Variants in SLC35F3 observed in about 807,000 individuals in gnomAD.
SLC35F3 encodes the protein putative thiamine transporter SLC35F3.
Under a neutral mutation model 49.9 loss-of-function variants are expected in SLC35F3, and 25 were observed. That is an observed-to-expected ratio of 0.50 (90% CI 0.37 to 0.70). SLC35F3 has a LOEUF of 0.70. Among genes scored for constraint, SLC35F3 ranks in the 30% least tolerant of loss-of-function variants. SLC35F3 has a pLI of 0.00. For synonymous variants in SLC35F3, 275 were observed against 265.4 expected, an observed-to-expected ratio of 1.04 and a Z score of -0.35; for missense variants, 525 against 639.8, an observed-to-expected ratio of 0.82 and a Z score of 1.94.
At position 233,905,575 on chromosome 1, in the gene SLC35F3, A is replaced by G. The variant is rs781276412; in HGVS notation, c.100A>G (p.Ile34Val). The G allele has an allele frequency of 1.9e-6, 3 of 1,614,100 alleles. No individual in the cohort carries two copies. The highest frequency in any genetic ancestry group is 1.7e-6 in the Non-Finnish European group (2 of 1,180,022). Residue 34 changes from isoleucine to valine, a missense_variant, in exon 2 of 8, where the codon ATC (isoleucine) becomes GTC (valine). Physicochemically the swap from Ile to Val is conservative, Grantham distance 29. Around this residue, in one of 4 missense-constraint regions of SLC35F3, gnomAD observed 228 missense variants for 218.9 expected, o/e 1.04. Transcript: ENST00000366618. ...PDVSPRRLSD[I>V]SPQLRQLKYL... ...CGTCAGCCCCCGGAGACTGTCCGAC[A>G]TCAGCCCCCAGCTCCGGCAGCTCAA...
intron 3 of SLC35F3, among the ~76,000 whole-genome samples, chr1:234,271,791 A>G (rs888564389): frequency 1.3e-5 from 2 of 152,178 alleles, no homozygotes; most frequent in African/African-American, 2.4e-5. Flanking sequence ...TTGACCTTCA[A>G]TTAATGAGTG....
chr1:234,270,755 A>G (rs1419549825), intron 3 of SLC35F3, among the ~76,000 whole-genome samples: 4 of 152,110 alleles, frequency 2.6e-5, no homozygotes, highest in African/African-American at 9.7e-5. Context: ...TTCAGGCATC[A>G]CTCTTGAAGG....
At chr1:234,109,073 C>T (rs1040092788) in intron 2 of SLC35F3, among the ~76,000 whole-genome samples, 2 of 151,990 alleles carry the variant, frequency 1.3e-5, no homozygotes, top group African/African-American at 4.8e-5. Flanking sequence ...TGATAGGCAG[C>T]CCCACACACT....
intron 3 of SLC35F3, among the ~76,000 whole-genome samples, chr1:234,270,892 G>A (rs756838551): frequency 5.3e-5 from 8 of 152,194 alleles, no homozygotes; most frequent in Non-Finnish European, 1.0e-4. Context: ...CTCAGAAGTT[G>A]TCCTCATCAT....
chr1:233,942,260 A>G (rs1229733584), intron 2 of SLC35F3, among the ~76,000 whole-genome samples: 2 of 151,752 alleles, frequency 1.3e-5, no homozygotes, highest in Non-Finnish European at 2.9e-5. Context: ...CGTGCCCGGC[A>G]TACAGCCTCT....
intron 3 of SLC35F3, among the ~76,000 whole-genome samples, chr1:234,263,424 A>AT (rs1409744602): frequency 6.6e-6 from 1 of 152,140 alleles, no homozygotes; most frequent in Non-Finnish European, 1.5e-5. Flanking sequence ...CCCTTGTGAA[A>AT]TCTTAGGTAA....
rs558401786 is a variant in SLC35F3 at position 234,249,722 on chromosome 1, C to A, written c.608+17981C>A. Among the ~76,000 whole-genome samples the A allele has an allele frequency of 1.1e-3, 164 of 152,332 alleles. 1 individual carries two copies. The highest frequency in any genetic ancestry group is 3.8e-3 in the African/African-American group (159 of 41,570). On this transcript the variant is annotated intron_variant, in intron 3 of 7. Coordinates refer to ENST00000366618, the MANE Select transcript of SLC35F3 (RefSeq NM_173508.4). ...AGTTTGAATTCAAATGGTCTCTCAC[C>A]ATTATCGTTCATGGGTGAACTTGAC...
chr1:234,291,767 T>C (rs1424106669), intron 3 of SLC35F3, among the ~76,000 whole-genome samples: 1 of 152,176 alleles, frequency 6.6e-6, no homozygotes, highest in Non-Finnish European at 1.5e-5. Flanking sequence ...CACCATAATT[T>C]GTATTTACGC....
At chr1:234,267,412 T>A (rs1243347561) in intron 3 of SLC35F3, among the ~76,000 whole-genome samples, 1 of 141,682 alleles carries the variant, frequency 7.1e-6, no homozygotes, top group Non-Finnish European at 1.5e-5. Flanking sequence ...CCAGACGGGG[T>A]CGTGGCCGGG....
intron 2 of SLC35F3, among the ~76,000 whole-genome samples, chr1:234,201,851 T>G (rs1221375096): frequency 6.6e-6 from 1 of 150,458 alleles, no homozygotes; most frequent in Admixed American, 6.7e-5. Context: ...AGGTGGAGCT[T>G]GTAGTGAGCC....
chr1:234,117,046 A>G (rs1665497808), intron 2 of SLC35F3, among the ~76,000 whole-genome samples: 1 of 152,188 alleles, frequency 6.6e-6, no homozygotes. Context: ...TTGCCTTCTT[A>G]TTACCTGTCT....
At chr1:233,920,013 C>T (rs1287192485) in intron 2 of SLC35F3, among the ~76,000 whole-genome samples, 1 of 152,132 alleles carries the variant, frequency 6.6e-6, no homozygotes, top group East Asian at 1.9e-4. Context: ...GGTGAGTCAT[C>T]TCTAGGAGGG....
intron 2 of SLC35F3, among the ~76,000 whole-genome samples, chr1:234,225,868 A>G (rs1360432846): frequency 6.6e-6 from 1 of 152,268 alleles, no homozygotes; most frequent in East Asian, 1.9e-4. Flanking sequence ...TGAACTGCTG[A>G]CACACGCTAC....
Position 234,214,698 on chromosome 1 carries a change from T to C in SLC35F3, c.284-16719T>C, listed in dbSNP as rs1667095513. 7.7e-7 allele frequency: 1 copy of C among 1,303,750 alleles called. No individual in the cohort carries two copies. Among genetic ancestry groups the C allele is most frequent in the Non-Finnish European group, 1.0e-6 (1 of 993,758 alleles). The allele number at this position is 1,303,750 out of a possible 1,614,324, so 80.8% of individuals were successfully genotyped here. On this transcript the variant is annotated intron_variant, in intron 2 of 7. Transcript: ENST00000366618. This position sits in a 1 kb window ranked among gnomAD's most constrained non-coding sequence, Gnocchi z 8.0. ...GGGTACTGCTCCCCCAGGACGCGGC[T>C]CCGCAGTGCAGAGCGCCGCCGCCTG...
chr1:234,229,521 C>A (rs1261125859), intron 2 of SLC35F3, among the ~76,000 whole-genome samples: 1 of 152,222 alleles, frequency 6.6e-6, no homozygotes, highest in Admixed American at 6.5e-5. Flanking sequence ...AGTTTTAAAG[C>A]TTAATTTGCT....
chr1:234,099,541 T>C (rs1045252748), intron 2 of SLC35F3, among the ~76,000 whole-genome samples: 3 of 137,514 alleles, frequency 2.2e-5, no homozygotes, highest in African/African-American at 5.5e-5. Flanking sequence ...ACCCTGGAGG[T>C]GGACGTTGCA....
chr1:233,965,882 T>A (rs890684558), intron 2 of SLC35F3, among the ~76,000 whole-genome samples: 1 of 152,232 alleles, frequency 6.6e-6, no homozygotes, highest in Non-Finnish European at 1.5e-5. Context: ...ACTAATACAT[T>A]TATGAATCTA....
chr1:233,984,813 C>G (rs1187770104), intron 2 of SLC35F3, among the ~76,000 whole-genome samples: 1 of 152,154 alleles, frequency 6.6e-6, no homozygotes, highest in Non-Finnish European at 1.5e-5. Context: ...TGAAGAGCAA[C>G]CCAGGGACAT....
intron 2 of SLC35F3, among the ~76,000 whole-genome samples, chr1:234,053,619 T>C (rs972429226): frequency 6.6e-6 from 1 of 152,228 alleles, no homozygotes; most frequent in Non-Finnish European, 1.5e-5. Context: ...TGTCTTTTAA[T>C]TGGGGCATTT....
Sources: gnomAD v4.1 joint callset for allele counts (sites outside exome capture counted in the v4.1 genomes callset) on GRCh38, gnomAD v4.1.1 for gene constraint, gnomAD v4.1.1 regional missense constraint, Gnocchi (gnomAD v3.1) non-coding constraint, MANE v1.5 for transcripts, NCBI Gene and HGNC (gene_info 2026-07-23, HGNC 2026-07-21) for gene names.